PTPRK: variants seen among roughly 807,000 people sequenced by gnomAD.
PTPRK encodes protein tyrosine phosphatase receptor type K.
A neutral mutation model predicts 178.0 loss-of-function variants in PTPRK; 75 were observed. That is an observed-to-expected ratio of 0.42 (90% CI 0.35 to 0.51). The LOEUF (loss-of-function observed/expected upper bound fraction) is 0.51. Among genes scored for constraint, PTPRK ranks in the 20% least tolerant of loss-of-function variants. The pLI, the probability that PTPRK is intolerant of heterozygous loss-of-function variation, is 0.02. For synonymous variants in PTPRK, 637 were observed against 620.6 expected (o/e 1.03, Z -0.39); for missense variants, 1,441 against 1,797.8 (o/e 0.80, Z 3.59).
intron 3 of PTPRK, among the ~76,000 whole-genome samples, chr6:128,243,575 A>G (rs1243510942): frequency 2.0e-5 from 3 of 151,714 alleles, no homozygotes; most frequent in African/African-American, 7.3e-5. Context: ...AGTATCAGCT[A>G]CTTCACAGAC....
At chr6:128,079,054 T>TAACA (rs1784346939) in intron 10 of PTPRK, 136 bp from the exon 11 acceptor site, 1 of 479,074 alleles carries the variant, frequency 2.1e-6, no homozygotes, top group Non-Finnish European at 3.7e-6. Context: ...TTTTATAGCA[T>TAACA]AACATCTCCA....
chr6:128,006,155 AT>A (rs1778390017), intron 14 of PTPRK: 6 of 703,890 alleles, frequency 8.5e-6, no homozygotes, highest in Non-Finnish European at 1.3e-5. Context: ...GCGTTAAAAA[AT>A]AAAATAAAAT....
At chr6:128,193,300 A>AAAAAAAAAAAAT in intron 6 of PTPRK, among the ~76,000 whole-genome samples, 1 of 151,566 alleles carries the variant, frequency 6.6e-6, no homozygotes, top group African/African-American at 2.4e-5. Context: ...AAAAAAAAAA[A>AAAAAAAAAAAAT]AAAAGGCACA....
At chr6:128,139,839 A>T (rs1312778076) in intron 7 of PTPRK, among the ~76,000 whole-genome samples, 1 of 151,992 alleles carries the variant, frequency 6.6e-6, no homozygotes, top group African/African-American at 2.4e-5. Context: ...CTTGGTTTCA[A>T]TTCTATACTT....
chr6:128,162,939 T>C (rs1371801694), intron 7 of PTPRK, among the ~76,000 whole-genome samples: 2 of 151,608 alleles, frequency 1.3e-5, no homozygotes, highest in Admixed American at 6.6e-5. Flanking sequence ...TTCTACTTAT[T>C]TATGTTTAAT....
intron 6 of PTPRK, among the ~76,000 whole-genome samples, chr6:128,215,071 CA>C (rs1194634643): frequency 3.9e-5 from 6 of 152,100 alleles, no homozygotes; most frequent in Non-Finnish European, 7.4e-5. Flanking sequence ...TTAACAATGA[CA>C]AACCAAAAAC....
intron 7 of PTPRK, among the ~76,000 whole-genome samples, chr6:128,107,041 A>C (rs901604163): frequency 2.0e-5 from 3 of 152,132 alleles, no homozygotes; most frequent in African/African-American, 7.2e-5. Context: ...ATTGTTCTGA[A>C]ATTAGAATGA....
intron 6 of PTPRK, among the ~76,000 whole-genome samples, chr6:128,187,513 C>T (rs1802983281): frequency 6.6e-6 from 1 of 152,144 alleles, no homozygotes; most frequent in Non-Finnish European, 1.5e-5. Context: ...CTCCTACATA[C>T]ACCAACAAGC....
chr6:128,404,464 G>T (rs1841413903), intron 1 of PTPRK, among the ~76,000 whole-genome samples: 1 of 152,208 alleles, frequency 6.6e-6, no homozygotes, highest in African/African-American at 2.4e-5. Flanking sequence ...ATGAAGAATA[G>T]TTAGGTAAAT....
At chr6:128,096,753 A>G (rs1787977844) in intron 7 of PTPRK, among the ~76,000 whole-genome samples, 1 of 152,338 alleles carries the variant, frequency 6.6e-6, no homozygotes, top group South Asian at 2.1e-4. Flanking sequence ...CAGAACTTTC[A>G]TTCCATTTAT....
chr6:128,008,047 T>G (rs371991320), intron 14 of PTPRK: 2 of 1,345,160 alleles, frequency 1.5e-6, no homozygotes, highest in Non-Finnish European at 2.0e-6. Context: ...AATGCATACC[T>G]AATGTTTCTA....
At chr6:128,251,135 C>A (rs1383952829) in intron 3 of PTPRK, among the ~76,000 whole-genome samples, 1 of 152,118 alleles carries the variant, frequency 6.6e-6, no homozygotes, top group Admixed American at 6.6e-5. Flanking sequence ...TTGTTGTTTA[C>A]TTGTTTACTT....
chr6:128,184,031 C>T (rs1196522569), intron 7 of PTPRK, among the ~76,000 whole-genome samples: 1 of 152,138 alleles, frequency 6.6e-6, no homozygotes, highest in Non-Finnish European at 1.5e-5. Flanking sequence ...GTGGCCTTTA[C>T]ACTGACTGTA....
chr6:128,204,985 C>T lies in PTPRK; in HGVS notation c.868+13937G>A, dbSNP rs118082852. ...TGTGTGTGTTCATTGCAGCACTATT[C>T]GCAATAGCAAAGACATGCAATCAAC... On this transcript the variant is annotated intron_variant, in intron 6 of 29. Transcript: ENST00000368226. 4.7e-4 allele frequency among the ~76,000 whole-genome samples: 72 copies of T among 152,128 alleles called. 1 individual carries two copies. The East Asian group carries it at 0.012, about 26-fold the overall frequency.
intron 2 of PTPRK, among the ~76,000 whole-genome samples, chr6:128,341,432 A>C (rs938489165): frequency 1.3e-5 from 2 of 152,228 alleles, no homozygotes; most frequent in Non-Finnish European, 2.9e-5. Flanking sequence ...ACACAATACC[A>C]ATAACTGTAG....
intron 6 of PTPRK, among the ~76,000 whole-genome samples, chr6:128,205,844 T>C (rs1359691710): frequency 6.9e-6 from 1 of 144,812 alleles, no homozygotes; most frequent in African/African-American, 2.6e-5. Context: ...AAAATGTCCC[T>C]AGGGACATGC....
chr6:128,303,041 C>T (rs1825874210), intron 3 of PTPRK, among the ~76,000 whole-genome samples: 1 of 152,252 alleles, frequency 6.6e-6, no homozygotes, highest in Admixed American at 6.5e-5. Context: ...ATTCACTACG[C>T]TTGTACAATT....
At position 128,347,329 on chromosome 6, in the gene PTPRK, T is replaced by C. The variant is rs75281918; in HGVS notation, c.224-25019A>G. ...CTTTATGACCGTGAGAATGATATTA[T>C]CATAGGACTATTTATACCTTCTCTC... On this transcript the variant is annotated intron_variant, in intron 2 of 29. Coordinates refer to ENST00000368226, the MANE Select transcript of PTPRK (RefSeq NM_002844.4). Among the ~76,000 whole-genome samples the C allele has an allele frequency of 8.5e-5, 13 of 152,250 alleles. No homozygotes were observed. The East Asian group carries it at 2.5e-3, about 29-fold the overall frequency.
intron 13 of PTPRK, among the ~76,000 whole-genome samples, chr6:128,027,126 C>G (rs553440011): frequency 6.6e-6 from 1 of 152,282 alleles, no homozygotes; most frequent in South Asian, 2.1e-4. Flanking sequence ...ATACCTAACA[C>G]ACACTTTCAC....
Sources: gnomAD v4.1 joint callset for allele counts (sites outside exome capture counted in the v4.1 genomes callset) on GRCh38, gnomAD v4.1.1 for gene constraint, MANE v1.5 for transcripts, NCBI Gene and HGNC (gene_info 2026-07-23, HGNC 2026-07-21) for gene names.